The following HCRTR2 variants were observed in gnomAD, a reference collection of about 807,000 sequenced individuals.
The protein encoded by HCRTR2 is hypocretin receptor 2, also known as orexin receptor type 2.
In HCRTR2, 22 loss-of-function variants were observed where a neutral mutation model predicts 49.0. That is an observed-to-expected ratio of 0.45 (90% CI 0.32 to 0.64). HCRTR2 has a LOEUF of 0.64. Ranked by LOEUF, HCRTR2 falls within the 30% of genes least tolerant of loss-of-function variation. The pLI is 0.04. For missense variants in HCRTR2, 491 were observed against 559.4 expected (o/e 0.88, Z 1.23); for synonymous variants, 236 against 205.3 (o/e 1.15, Z -1.28).
In HCRTR2 at chr6:55,238,078, G is replaced by A. The variant is rs187890915; in HGVS notation, c.224-10561G>A. Among the ~76,000 whole-genome samples the A allele has an allele frequency of 6.6e-5, 10 of 152,172 alleles. No individual in the cohort carries two copies. The East Asian group carries it at 1.9e-3, about 29-fold the overall frequency. On this transcript the variant is annotated intron_variant, in intron 1 of 6. Transcript: ENST00000370862. ...AACCATAAATCTAAATGCCAACTGG[G>A]TATTGACACTAGGATAACTCACAGG...
At chr6:55,212,948 T>C (rs948921103) in intron 1 of HCRTR2, among the ~76,000 whole-genome samples, 5 of 152,248 alleles carry the variant, frequency 3.3e-5, no homozygotes, top group South Asian at 2.1e-4. Context: ...CATGTGTCCA[T>C]TGGGGATAAC....
intron 1 of HCRTR2, among the ~76,000 whole-genome samples, chr6:55,206,574 A>G (rs990192956): frequency 2.0e-5 from 3 of 152,002 alleles, no homozygotes; most frequent in African/African-American, 7.2e-5. Context: ...AGTATAGCGA[A>G]AAATAGCATC....
chr6:55,234,734 G>T (rs951966649), intron 1 of HCRTR2, among the ~76,000 whole-genome samples: 10 of 152,136 alleles, frequency 6.6e-5, no homozygotes, highest in Non-Finnish European at 4.4e-5. Flanking sequence ...ACTCATACCA[G>T]CTGGTAAGTG....
At chr6:55,195,176 GA>G (rs1765387781) in intron 1 of HCRTR2, among the ~76,000 whole-genome samples, 1 of 151,964 alleles carries the variant, frequency 6.6e-6, no homozygotes, top group African/African-American at 2.4e-5. Flanking sequence ...AAGATAAAAT[GA>G]AAAATCAATA....
intron 1 of HCRTR2, among the ~76,000 whole-genome samples, chr6:55,214,630 C>G (rs1204152707): frequency 6.6e-6 from 1 of 151,848 alleles, no homozygotes; most frequent in East Asian, 1.9e-4. Context: ...CATGAGCCAC[C>G]ATGCCTGACC....
chr6:55,248,866 C>A, intron 2 of HCRTR2, 49 bp downstream of exon 2: 1 of 1,488,730 alleles, frequency 6.7e-7, no homozygotes, highest in Non-Finnish European at 9.4e-7. Flanking sequence ...AATGTTCAGC[C>A]ATAGCGATGG....
intron 1 of HCRTR2, among the ~76,000 whole-genome samples, chr6:55,224,465 C>T (rs1765957927): frequency 6.7e-6 from 1 of 149,546 alleles, no homozygotes; most frequent in South Asian, 2.1e-4. Context: ...AAAAAAAATA[C>T]AAAAAAAATT....
intron 1 of HCRTR2, among the ~76,000 whole-genome samples, chr6:55,190,913 G>T (rs1370291150): frequency 2.0e-5 from 3 of 152,122 alleles, no homozygotes; most frequent in Non-Finnish European, 4.4e-5. Context: ...TCCTGTAACA[G>T]GGAAAAGTAA....
chr6:55,187,516 T>G (rs1366434246), intron 1 of HCRTR2, among the ~76,000 whole-genome samples: 1 of 151,114 alleles, frequency 6.6e-6, no homozygotes, highest in Admixed American at 6.6e-5. Flanking sequence ...TGAACCAAAT[T>G]TATTAATATG....
At chr6:55,170,918 T>C (rs1764940951), upstream of HCRTR2, among the ~76,000 whole-genome samples, 3 of 152,056 alleles carry the variant, frequency 2.0e-5, no homozygotes, top group Admixed American at 2.0e-4. Flanking sequence ...GAACTCATCC[T>C]TTTTTTGGCT....
At chr6:55,147,957 G>GTGA (rs1764616859) in intron 1 of HCRTR2, among the ~76,000 whole-genome samples, 1 of 147,822 alleles carries the variant, frequency 6.8e-6, no homozygotes, top group Non-Finnish European at 1.5e-5. Flanking sequence ...GTTTCCAATG[G>GTGA]GAAAGGTGTT....
intron 3 of HCRTR2, among the ~76,000 whole-genome samples, chr6:55,258,807 C>T (rs987598436): frequency 1.3e-5 from 2 of 152,066 alleles, no homozygotes. Flanking sequence ...AATCCCAGCA[C>T]TTTGGGAGGC....
intron 1 of HCRTR2, among the ~76,000 whole-genome samples, chr6:55,176,477 C>G (rs1201797648): frequency 6.6e-6 from 1 of 152,122 alleles, no homozygotes; most frequent in Non-Finnish European, 1.5e-5. Context: ...TGGCTACCAG[C>G]ATAGCAACAT....
At chr6:55,130,080 C>A (rs1169813491) in intron 1 of HCRTR2, among the ~76,000 whole-genome samples, 4 of 151,938 alleles carry the variant, frequency 2.6e-5, no homozygotes, top group Non-Finnish European at 4.4e-5. Context: ...CTCAGGTAAG[C>A]ATTAATCCCT....
intron 1 of HCRTR2, among the ~76,000 whole-genome samples, chr6:55,206,795 C>A (rs1043223356): frequency 1.3e-5 from 2 of 151,932 alleles, no homozygotes; most frequent in Non-Finnish European, 2.9e-5. Flanking sequence ...ATGACATGAT[C>A]CTCTTGAAAA....
chr6:55,138,461 C>T (rs1764461078), intron 1 of HCRTR2, among the ~76,000 whole-genome samples: 1 of 152,192 alleles, frequency 6.6e-6, no homozygotes, highest in Non-Finnish European at 1.5e-5. Context: ...TAAATCTCTA[C>T]TGCTTAAAAC....
chr6:55,168,614 G>A (rs1011920359), intron 1 of HCRTR2, among the ~76,000 whole-genome samples: 2 of 152,054 alleles, frequency 1.3e-5, no homozygotes, highest in African/African-American at 4.8e-5. Context: ...TGCCCAGGCT[G>A]GAGTGCAGTG....
At chr6:55,201,407 A>C (rs1427166556) in intron 1 of HCRTR2, among the ~76,000 whole-genome samples, 2 of 152,078 alleles carry the variant, frequency 1.3e-5, no homozygotes, top group Non-Finnish European at 2.9e-5. Flanking sequence ...CCATGTACAG[A>C]AAGCTTGAAT....
At chr6:55,159,937 T>A (rs1461903827) in intron 1 of HCRTR2, among the ~76,000 whole-genome samples, 2 of 152,098 alleles carry the variant, frequency 1.3e-5, no homozygotes, top group Non-Finnish European at 2.9e-5. Flanking sequence ...CAGGAGAACA[T>A]CCACAACCTA....
Sources: gnomAD v4.1 joint callset for allele counts (sites outside exome capture counted in the v4.1 genomes callset) on GRCh38, gnomAD v4.1.1 for gene constraint, MANE v1.5 for transcripts, NCBI Gene and HGNC (gene_info 2026-07-23, HGNC 2026-07-21) for gene names.